PLXNA4: variants seen among roughly 807,000 people sequenced by gnomAD.
PLXNA4 encodes the protein plexin-A4.
PLXNA4 carries 44 observed loss-of-function variants against 191.8 expected under a neutral mutation model. The observed-to-expected ratio is 0.23, with a 90% CI of 0.18 to 0.29. The LOEUF (loss-of-function observed/expected upper bound fraction) is 0.29. PLXNA4 is among the 10% of genes least tolerant of loss of function. PLXNA4 has a pLI of 1.00. For synonymous variants in PLXNA4, 1,082 were observed against 1,009.5 expected (o/e 1.07, Z -1.36); for missense variants, 1,800 against 2,488.8 (o/e 0.72, Z 5.89).
At chr7:132,359,507 G>A (rs549267107) in intron 3 of PLXNA4, among the ~76,000 whole-genome samples, 10 of 152,222 alleles carry the variant, frequency 6.6e-5, no homozygotes, top group Admixed American at 4.6e-4. Context: ...ATGAGCTACC[G>A]TGCCTGGCTG....
At position 132,143,636 on chromosome 7, in the gene PLXNA4, G is replaced by T. The variant is rs577809147; in HGVS notation, c.5225+1483C>A. Among the ~76,000 whole-genome samples, 14 of 152,304 alleles carry T rather than the reference G, an allele frequency of 9.2e-5. No individual in the cohort carries two copies. The East Asian group carries it at 2.7e-3, about 29-fold the overall frequency. ...AACAGAAGCAGATTGGTAGGCTGGG[G>T]ACATGCCCCACTGAACAGCTCCCAG... On this transcript the variant is annotated intron_variant, in intron 29 of 31. Coordinates refer to ENST00000321063, the MANE Select transcript of PLXNA4 (RefSeq NM_020911.2).
chr7:132,147,945 C>A lies in PLXNA4; in HGVS notation c.4819G>T (p.Ala1607Ser). 6.2e-7 allele frequency: 1 copy of A among 1,614,110 alleles called. No individual in the cohort carries two copies. Among genetic ancestry groups the A allele is most frequent in the Non-Finnish European group, 8.5e-7 (1 of 1,180,022 alleles). The change falls in exon 27 of 32, where the codon GCA (alanine) becomes TCA (serine). Residue 1607 changes from alanine to serine, a missense_variant. Physicochemically the swap from Ala to Ser is moderately conservative, Grantham distance 99 (BLOSUM62 1). This residue lies in a region of PLXNA4 where 214 missense variants were observed against 298.2 expected (regional missense o/e 0.72). Coordinates refer to ENST00000321063, the MANE Select transcript of PLXNA4 (RefSeq NM_020911.2). ...CTGGAGACGGTGGAGTTGTTCACTG[C>A]GTTATAGGCTGTCACCTGCTTGGAC... The part of the protein sequence containing the change: ...LVSKQVTAYN[A>S]VNNSTVSRTS...
At chr7:132,132,488 C>CTCTGCTCTAT (rs1794988145) in intron 31 of PLXNA4, among the ~76,000 whole-genome samples, 1 of 84,428 alleles carries the variant, frequency 1.2e-5, no homozygotes, top group African/African-American at 4.3e-5. Flanking sequence ...CTCTGCTCTG[C>CTCTGCTCTAT]TCTATTCTTT....
chr7:132,443,997 C>T (rs1366317180), intron 3 of PLXNA4, among the ~76,000 whole-genome samples: 1 of 152,206 alleles, frequency 6.6e-6, no homozygotes, highest in Non-Finnish European at 1.5e-5. Flanking sequence ...GTGGGATCCC[C>T]CTGCCTTTGT....
At chr7:132,245,217 C>T (rs1338718252) in intron 4 of PLXNA4, among the ~76,000 whole-genome samples, 1 of 152,174 alleles carries the variant, frequency 6.6e-6, no homozygotes, top group Non-Finnish European at 1.5e-5. Context: ...GGGGGAGGGA[C>T]TTCTGTTTGG....
At chr7:132,349,068 G>A (rs941959222) in intron 3 of PLXNA4, among the ~76,000 whole-genome samples, 35 of 152,222 alleles carry the variant, frequency 2.3e-4, no homozygotes, top group Admixed American at 1.2e-3. Flanking sequence ...GCCATCCAAC[G>A]CCGAAAGATG....
chr7:132,333,231 AT>A (rs1802666182), intron 3 of PLXNA4, among the ~76,000 whole-genome samples: 2 of 152,100 alleles, frequency 1.3e-5, no homozygotes, highest in Non-Finnish European at 2.9e-5. Context: ...CTAGTGGGGA[AT>A]TTGTGGGAAG....
chr7:132,401,246 G>C (rs1333996213), intron 3 of PLXNA4, among the ~76,000 whole-genome samples: 1 of 152,198 alleles, frequency 6.6e-6, no homozygotes, highest in East Asian at 1.9e-4. Context: ...GGAGAACTGA[G>C]TGAAGGGTAC....
At chr7:132,454,880 G>A (rs1048282734) in intron 3 of PLXNA4, among the ~76,000 whole-genome samples, 1 of 152,180 alleles carries the variant, frequency 6.6e-6, no homozygotes, top group Non-Finnish European at 1.5e-5. Flanking sequence ...CACCCAGTCT[G>A]TGGTACTGTG....
At chr7:132,189,990 C>T (rs1797036508) in intron 14 of PLXNA4, among the ~76,000 whole-genome samples, 1 of 152,176 alleles carries the variant, frequency 6.6e-6, no homozygotes, top group African/African-American at 2.4e-5. Flanking sequence ...AGAAAAATGA[C>T]AAATCTTTGA....
intron 14 of PLXNA4, among the ~76,000 whole-genome samples, chr7:132,189,064 GA>G (rs1448939474): frequency 2.3e-5 from 3 of 131,854 alleles, no homozygotes; most frequent in Non-Finnish European, 3.2e-5. Context: ...GAGAGAGAGA[GA>G]GAAGATTGTG....
intron 3 of PLXNA4, among the ~76,000 whole-genome samples, chr7:132,409,187 C>G (rs1004105913): frequency 2.0e-5 from 3 of 152,060 alleles, no homozygotes; most frequent in Non-Finnish European, 4.4e-5. Context: ...GGGCAGCTGC[C>G]CTGTGAAGCC....
intron 4 of PLXNA4, among the ~76,000 whole-genome samples, chr7:132,286,772 A>G (rs1800697530): frequency 6.6e-6 from 1 of 152,214 alleles, no homozygotes; most frequent in South Asian, 2.1e-4. Context: ...CCTTCCCTGG[A>G]GTGGAAGCAG....
At chr7:132,603,155 A>G (rs182179601) in intron 2 of PLXNA4, among the ~76,000 whole-genome samples, 2 of 152,106 alleles carry the variant, frequency 1.3e-5, no homozygotes, top group Admixed American at 1.3e-4. Context: ...GCTGGTTTCA[A>G]TTTTCCTTGA....
rs1316738535 is a variant in PLXNA4, at chr7:132,187,682, A to G, written c.2857-75T>C. ...GGCTTCTGGGCAGGCGTGAGGCAGC[A>G]CCCCACTCCCCCAAGCTGCCTTCTG... On this transcript the variant is annotated intron_variant, in intron 14 of 31. Transcript: ENST00000321063. The G allele has an allele frequency of 3.3e-6, 5 of 1,494,474 alleles. 1 individual carries two copies. The highest frequency in any genetic ancestry group is 2.2e-5 in the Admixed American group (1 of 45,942). 92.6% of individuals were successfully genotyped at this position (1,494,474 alleles called of 1,614,324 possible).
chr7:132,237,196 A>G lies in PLXNA4; in HGVS notation c.1604+3870T>C, dbSNP rs536200413. ...TTAAAAATATCTTAGAAATCCAGGG[A>G]CCTACTCTACTTATCCAGGACCGGA... On this transcript the variant is annotated intron_variant, in intron 5 of 31. Transcript: ENST00000321063. Among the ~76,000 whole-genome samples, 18 of 152,228 alleles carry G rather than the reference A, an allele frequency of 1.2e-4. No homozygotes were observed. The South Asian group carries it at 3.5e-3, about 30-fold the overall frequency.
At chr7:132,171,078 A>G (rs141771086) in intron 21 of PLXNA4, among the ~76,000 whole-genome samples, 57 of 152,302 alleles carry the variant, frequency 3.7e-4, no homozygotes, top group Non-Finnish European at 7.1e-4. Flanking sequence ...CAATCTGCCC[A>G]TTTATCTGTC....
intron 1 of PLXNA4, among the ~76,000 whole-genome samples, chr7:132,560,997 A>C (rs1292335078): frequency 6.6e-6 from 1 of 151,970 alleles, no homozygotes; most frequent in Non-Finnish European, 1.5e-5. Flanking sequence ...CTACAGTACA[A>C]ATCTGGTCTT....
chr7:132,536,797 A>G (rs114390634), intron 1 of PLXNA4, among the ~76,000 whole-genome samples: 1,937 of 152,316 alleles, frequency 0.013, 18 homozygotes, highest in Middle Eastern at 0.044. Context: ...CCCTAAACGT[A>G]TGGCTGACTT....
Sources: allele counts gnomAD v4.1 joint callset (sites outside exome capture counted in the v4.1 genomes callset), GRCh38; gene constraint gnomAD v4.1.1; regional missense constraint gnomAD v4.1.1; transcripts MANE v1.5; gene names NCBI Gene and HGNC (gene_info 2026-07-23, HGNC 2026-07-21).